PBRM1: variants seen among roughly 807,000 people sequenced by gnomAD.
PBRM1 encodes polybromo 1.
PBRM1 carries 27 observed loss-of-function variants against 194.5 expected under a neutral mutation model. That is an observed-to-expected ratio of 0.14 (90% confidence interval 0.10 to 0.19). The LOEUF is 0.19. Among genes scored for constraint, PBRM1 ranks in the 10% least tolerant of loss-of-function variants. PBRM1 has a pLI of 1.00. For synonymous variants in PBRM1, 655 were observed against 693.2 expected (o/e 0.94, Z 0.87); for missense variants, 1,466 against 2,077.2 (o/e 0.71, Z 5.72).
rs2153424298 is a variant in PBRM1 at position 52,609,769 on chromosome 3, A to T, written c.2111T>A (p.Met704Lys). Residue 704 changes from methionine (M) to lysine (K), a missense_variant, in exon 16 of 30, where the codon ATG becomes AAG. By Grantham distance (95) the Met-to-Lys change is moderately conservative. This residue lies in a region of PBRM1 where 687 missense variants were observed against 946.2 expected (regional missense o/e 0.73). Coordinates refer to ENST00000296302, the Ensembl canonical transcript of PBRM1. This position sits in a 1 kb window ranked among gnomAD's most constrained non-coding sequence, Gnocchi z 4.1. ...GTGACTTCGAATTTTTTCCATGTCC[A>T]TGGGCTTTTTAATAGTCAGATAGTA... 1 of 1,610,074 alleles carries T rather than the reference A, an allele frequency of 6.2e-7. No homozygotes were observed. Among genetic ancestry groups the T allele is most frequent in the Non-Finnish European group, 8.5e-7 (1 of 1,178,730 alleles).
chr3:52,611,542 G>A (rs2094608094), intron 15 of PBRM1, among the ~76,000 whole-genome samples: 1 of 152,174 alleles, frequency 6.6e-6, no homozygotes, highest in Non-Finnish European at 1.5e-5. Flanking sequence ...TGTGGCTCAT[G>A]CCTGCAATAC....
At chr3:52,561,051 C>T (rs543815352) in intron 25 of PBRM1, among the ~76,000 whole-genome samples, 1 of 152,096 alleles carries the variant, frequency 6.6e-6, no homozygotes, top group East Asian at 1.9e-4. Flanking sequence ...CTAATGCTTA[C>T]TACTAATTTC....
chr3:52,659,155 C>A (rs1165552173), intron 4 of PBRM1, among the ~76,000 whole-genome samples: 1 of 152,170 alleles, frequency 6.6e-6, no homozygotes, highest in East Asian at 1.9e-4. Context: ...GTTCTTTAGA[C>A]CCACTGGTTT....
intron 25 of PBRM1, 88 bp from the exon 28 acceptor site, chr3:52,558,501 A>G: frequency 8.8e-7 from 1 of 1,133,768 alleles, no homozygotes; most frequent in Non-Finnish European, 1.2e-6. Context: ...TAGTAAAAAC[A>G]CAGGCAACAG....
At chr3:52,576,767 C>T (rs1464431646) in intron 21 of PBRM1, 69 bp from the exon 24 acceptor site, 12 of 1,255,524 alleles carry the variant, frequency 9.6e-6, no homozygotes, top group Middle Eastern at 2.4e-4. Context: ...TAACAAAAAT[C>T]GCATTAACCA....
intron 10 of PBRM1, among the ~76,000 whole-genome samples, chr3:52,636,045 G>C (rs983793986): frequency 2.6e-5 from 4 of 151,004 alleles, no homozygotes; most frequent in South Asian, 2.1e-4. Flanking sequence ...GTTTTTTTTT[G>C]TATTTTTAGT....
chr3:52,547,950 A>T (rs1175222024), downstream of PBRM1: 1 of 829,712 alleles, frequency 1.2e-6, no homozygotes, highest in Non-Finnish European at 1.9e-6. Context: ...GATGTACAGT[A>T]AAATGCAATA....
rs947213510 is a variant in PBRM1, at chr3:52,664,552, G to A, written c.385-2276C>T. Among the ~76,000 whole-genome samples, 13 of 151,638 alleles carry A rather than the reference G, an allele frequency of 8.6e-5. No individual in the cohort carries two copies. In the East Asian group the frequency reaches 2.1e-3, roughly 25 times the overall value. On this transcript the variant is annotated intron_variant, in intron 3 of 29. Coordinates refer to ENST00000296302, the Ensembl canonical transcript of PBRM1. ...GGAGTTCAAGTCCAGCCTGGCCAAC[G>A]TGGTGAAACCCTGTCTCTACTAAAA...
At chr3:52,571,196 G>A (rs1184464528) in intron 22 of PBRM1, among the ~76,000 whole-genome samples, 2 of 152,002 alleles carry the variant, frequency 1.3e-5, no homozygotes, top group East Asian at 1.9e-4. Flanking sequence ...GGTGGCACAC[G>A]CCTGTGGTCC....
At chr3:52,607,263 C>T (rs1466581355) in intron 16 of PBRM1, among the ~76,000 whole-genome samples, 1 of 152,002 alleles carries the variant, frequency 6.6e-6, no homozygotes, top group African/African-American at 2.4e-5. Flanking sequence ...AGAATGGCTC[C>T]CCGTATGTTT....
chr3:52,657,449 G>A (rs990206989), intron 5 of PBRM1, among the ~76,000 whole-genome samples: 1 of 152,024 alleles, frequency 6.6e-6, no homozygotes, highest in Non-Finnish European at 1.5e-5. Flanking sequence ...AGGATCTCTT[G>A]GGGGCCTCCA....
chr3:52,636,568 C>T (rs1233791526), intron 10 of PBRM1, among the ~76,000 whole-genome samples: 2 of 150,786 alleles, frequency 1.3e-5, no homozygotes, highest in Non-Finnish European at 3.0e-5. Flanking sequence ...CCAGCCTGGC[C>T]AACATGATGA....
chr3:52,558,873 C>T (rs1418963942), intron 25 of PBRM1, among the ~76,000 whole-genome samples: 1 of 151,924 alleles, frequency 6.6e-6, no homozygotes, highest in African/African-American at 2.4e-5. Context: ...TTCTTTGTAC[C>T]CAATTTTACT....
At chr3:52,593,784 AAG>A (rs1289738182) in intron 17 of PBRM1, among the ~76,000 whole-genome samples, 1 of 152,188 alleles carries the variant, frequency 6.6e-6, no homozygotes, top group African/African-American at 2.4e-5. Flanking sequence ...GCTGTGGTCT[AAG>A]AGAGTGGTTG....
At chr3:52,567,589 GA>G (rs1490045133) in intron 22 of PBRM1, among the ~76,000 whole-genome samples, 25 of 141,090 alleles carry the variant, frequency 1.8e-4, no homozygotes, top group African/African-American at 6.0e-4. Flanking sequence ...AAAGAAAAAA[GA>G]AAAAAAGAAA....
At chr3:52,550,457 A>G (rs1027009830) in exon 29 of PBRM1, 5 of 1,543,050 alleles carry the variant, frequency 3.2e-6, no homozygotes, top group African/African-American at 1.4e-5. Flanking sequence ...ATGCTGTTGG[A>G]CTCCGCACTG....
At chr3:52,612,262 A>AAAAAAAAAAAAAAAAAAAAAG (rs2094671572) in intron 15 of PBRM1, among the ~76,000 whole-genome samples, 2 of 145,772 alleles carry the variant, frequency 1.4e-5, no homozygotes, top group South Asian at 2.2e-4. Context: ...CCGTCTCAAA[A>AAAAAAAAAAAAAAAAAAAAAG]AAAAAAAAAA....
rs190482616 is a variant in PBRM1, at chr3:52,643,723, G to C, written c.900-380C>G. 2.1e-3 allele frequency among the ~76,000 whole-genome samples: 317 copies of C among 152,320 alleles called. 1 individual carries two copies. The highest frequency in any genetic ancestry group is 0.012 in the Admixed American group (184 of 15,302). On this transcript the variant is annotated intron_variant, in intron 8 of 29. Coordinates refer to ENST00000296302, the Ensembl canonical transcript of PBRM1. ...GCAGTGGCTCACGCCTGTAATCCCA[G>C]CACTTTGGGAGGCCGAGGCGGGTGG...
rs1426427552 is a variant in PBRM1, at chr3:52,576,715, T to C, written c.3534-17A>G. On this transcript the variant is annotated splice_polypyrimidine_tract_variant and intron_variant, in intron 21 of 29. Transcript: ENST00000296302. The stretch of plus-strand genomic sequence containing the variant: ...TTTTCAATTCTTGGGGAGGAAAATA[T>C]ATAAATTACATTAAAATAGTTTCCT... 1.3e-6 allele frequency: 2 copies of C among 1,565,270 alleles called. No homozygotes were observed. The highest frequency in any genetic ancestry group is 1.4e-5 in the African/African-American group (1 of 72,680).
Sources: gnomAD v4.1 joint callset for allele counts (sites outside exome capture counted in the v4.1 genomes callset) on GRCh38, gnomAD v4.1.1 for gene constraint, gnomAD v4.1.1 regional missense constraint, Gnocchi (gnomAD v3.1) non-coding constraint, MANE v1.5 for transcripts, NCBI Gene and HGNC (gene_info 2026-07-23, HGNC 2026-07-21) for gene names.